STIM1: variants seen among roughly 807,000 people sequenced by gnomAD.
STIM1 encodes stromal interaction molecule 1.
In STIM1, 25 loss-of-function variants were observed where a neutral mutation model predicts 74.7. That is an observed-to-expected ratio of 0.33 (90% CI 0.24 to 0.47). The LOEUF is 0.47. Among genes scored for constraint, STIM1 ranks in the 20% least tolerant of loss-of-function variants. The pLI, the probability that STIM1 is intolerant of heterozygous loss-of-function variation, is 1.00. For synonymous variants in STIM1, 328 were observed against 348.8 expected, an observed-to-expected ratio of 0.94 and a Z score of 0.66; for missense variants, 728 against 920.8, an observed-to-expected ratio of 0.79 and a Z score of 2.71.
intron 2 of STIM1, among the ~76,000 whole-genome samples, chr11:3,994,501 C>T (rs1351892273): frequency 1.8e-4 from 27 of 147,354 alleles, no homozygotes; most frequent in African/African-American, 6.8e-4. Context: ...CACTCTGTCA[C>T]CCAGGCTGGA....
intron 1 of STIM1, among the ~76,000 whole-genome samples, chr11:3,932,721 C>A (rs950656656): frequency 6.6e-6 from 1 of 151,924 alleles, no homozygotes; most frequent in Non-Finnish European, 1.5e-5. Flanking sequence ...CTCTCTTGCC[C>A]CTTCTGCAGT....
chr11:3,908,381 G>A (rs2092502725), intron 1 of STIM1, among the ~76,000 whole-genome samples: 1 of 152,190 alleles, frequency 6.6e-6, no homozygotes, highest in Non-Finnish European at 1.5e-5. Context: ...GGGAGGCCAA[G>A]GCAGGTGAAT....
At chr11:4,082,452 G>A in intron 8 of STIM1, 101 bp downstream of exon 8, 1 of 1,238,818 alleles carries the variant, frequency 8.1e-7, no homozygotes, top group South Asian at 1.3e-5. Flanking sequence ...CCTCCCATTG[G>A]GTGAAGAGAT....
chr11:3,858,275 G>T (rs889876283), intron 1 of STIM1, among the ~76,000 whole-genome samples: 2 of 150,888 alleles, frequency 1.3e-5, no homozygotes, highest in East Asian at 3.9e-4. Flanking sequence ...GAAGTAAAAG[G>T]CATTCTAGCC....
chr11:3,935,218 A>G (rs1361661752), intron 1 of STIM1, among the ~76,000 whole-genome samples: 1 of 152,184 alleles, frequency 6.6e-6, no homozygotes, highest in Non-Finnish European at 1.5e-5. Context: ...TGTAAGGCCA[A>G]AGACTGTGAG....
chr11:3,866,314 A>G (rs1456474178), intron 1 of STIM1, among the ~76,000 whole-genome samples: 1 of 151,928 alleles, frequency 6.6e-6, no homozygotes, highest in African/African-American at 2.4e-5. Context: ...CCTGACACTA[A>G]TTCTAGCTGT....
At chr11:3,936,077 T>C (rs1056774450) in intron 1 of STIM1, among the ~76,000 whole-genome samples, 5 of 152,236 alleles carry the variant, frequency 3.3e-5, no homozygotes, top group African/African-American at 1.2e-4. Flanking sequence ...AAATGTAGTA[T>C]ATGCCTGCGT....
At chr11:3,883,056 G>A (rs2091576468) in intron 1 of STIM1, among the ~76,000 whole-genome samples, 1 of 151,676 alleles carries the variant, frequency 6.6e-6, no homozygotes, top group Non-Finnish European at 1.5e-5. Flanking sequence ...ATATATTCTG[G>A]ATACTAGACA....
intron 1 of STIM1, among the ~76,000 whole-genome samples, chr11:3,931,794 G>A (rs542865440): frequency 6.6e-6 from 1 of 152,286 alleles, no homozygotes; most frequent in South Asian, 2.1e-4. Context: ...ACACCTGAAT[G>A]CATGTTCCAA....
intron 1 of STIM1, among the ~76,000 whole-genome samples, chr11:3,875,738 AC>A (rs1436186557): frequency 2.8e-4 from 40 of 141,248 alleles, no homozygotes; most frequent in East Asian, 2.5e-3. Context: ...AAAAAAAAAA[AC>A]CCCTAAAAAC....
intron 1 of STIM1, among the ~76,000 whole-genome samples, chr11:3,858,044 A>G (rs757653831): frequency 6.6e-6 from 1 of 152,250 alleles, no homozygotes; most frequent in African/African-American, 2.4e-5. Context: ...ACTGTGAAGT[A>G]GACCTAATTA....
chr11:3,992,168 G>A (rs768257408), intron 2 of STIM1, among the ~76,000 whole-genome samples: 25 of 139,326 alleles, frequency 1.8e-4, no homozygotes, highest in Non-Finnish European at 3.0e-4. Context: ...TAATCCCAGC[G>A]CTTTGGGTGG....
intron 2 of STIM1, among the ~76,000 whole-genome samples, chr11:3,977,917 C>T (rs1399135763): frequency 6.6e-6 from 1 of 152,110 alleles, no homozygotes; most frequent in Non-Finnish European, 1.5e-5. Context: ...TAGCAAAATT[C>T]CATATCAGCT....
At chr11:3,924,289 C>T (rs2092759760) in intron 1 of STIM1, among the ~76,000 whole-genome samples, 1 of 150,964 alleles carries the variant, frequency 6.6e-6, no homozygotes, top group African/African-American at 2.4e-5. Flanking sequence ...AGCTCTGCCT[C>T]CCGGGTTCAC....
At chr11:3,857,876 G>A (rs1366372349) in intron 1 of STIM1, among the ~76,000 whole-genome samples, 1 of 152,216 alleles carries the variant, frequency 6.6e-6, no homozygotes. Context: ...GGTTGCCCAT[G>A]TGTAAGTAGG....
chr11:3,988,404 T>C (rs1017641474), intron 2 of STIM1, among the ~76,000 whole-genome samples: 5 of 152,200 alleles, frequency 3.3e-5, no homozygotes, highest in African/African-American at 1.2e-4. Context: ...CATTTCAATT[T>C]GTACACAATT....
intron 5 of STIM1, 53 bp downstream of exon 5, chr11:4,059,449 TGTA>T (rs1467531682): frequency 6.6e-7 from 1 of 1,506,900 alleles, no homozygotes; most frequent in Non-Finnish European, 9.2e-7. Context: ...CCAAAGCTGT[TGTA>T]GTGGATAGGC....
chr11:3,935,562 A>G (rs1302176406), intron 1 of STIM1, among the ~76,000 whole-genome samples: 1 of 152,236 alleles, frequency 6.6e-6, no homozygotes, highest in African/African-American at 2.4e-5. Context: ...TGGCCCAGGA[A>G]AACTGCATGG....
intron 3 of STIM1, among the ~76,000 whole-genome samples, chr11:4,051,595 C>T (rs953585377): frequency 3.9e-5 from 6 of 151,902 alleles, no homozygotes; most frequent in Admixed American, 2.0e-4. Context: ...CACCTGCCTT[C>T]GCCTCCCAAA....
Sources: allele counts gnomAD v4.1 joint callset (sites outside exome capture counted in the v4.1 genomes callset), GRCh38; gene constraint gnomAD v4.1.1; transcripts MANE v1.5; gene names NCBI Gene and HGNC (gene_info 2026-07-23, HGNC 2026-07-21).